Variants in MMP26 observed in about 807,000 individuals in gnomAD.
MMP26 encodes the protein matrix metalloproteinase-26.
Under a neutral mutation model 31.0 loss-of-function variants are expected in MMP26, and 33 were observed. The observed-to-expected ratio is 1.06, with a 90% CI of 0.81 to 1.42. The LOEUF (loss-of-function observed/expected upper bound fraction) is 1.42, where lower values mean the gene tolerates loss of function less well. Among genes scored for constraint, MMP26 ranks in the 40% most tolerant of loss-of-function variants. The pLI is 0.00. For synonymous variants in MMP26, 122 were observed against 114.9 expected, an observed-to-expected ratio of 1.06 and a Z score of -0.40; for missense variants, 347 against 316.1, an observed-to-expected ratio of 1.10 and a Z score of -0.74.
At chr11:4,729,366 T>C (rs563594986) in intron 1 of MMP26, among the ~76,000 whole-genome samples, 1 of 152,284 alleles carries the variant, frequency 6.6e-6, no homozygotes, top group African/African-American at 2.4e-5. Flanking sequence ...GGAATCTCCT[T>C]GGTGTTATTG....
At chr11:4,858,488 T>G (rs1424804542) in intron 2 of MMP26, among the ~76,000 whole-genome samples, 6 of 151,978 alleles carry the variant, frequency 3.9e-5, no homozygotes, top group Non-Finnish European at 7.4e-5. Flanking sequence ...TCAAAGAGAA[T>G]AAAATACCTA....
intron 2 of MMP26, among the ~76,000 whole-genome samples, chr11:4,897,426 TC>T (rs1850724445): frequency 6.6e-6 from 1 of 152,176 alleles, no homozygotes; most frequent in African/African-American, 2.4e-5. Context: ...GCATAAGCCA[TC>T]ATGCCCGGCC....
intron 2 of MMP26, among the ~76,000 whole-genome samples, chr11:4,805,336 AC>A (rs1211201064): frequency 4.6e-5 from 7 of 152,052 alleles, no homozygotes; most frequent in African/African-American, 1.2e-4. Context: ...AAGTTAGCAA[AC>A]TTTTTTTCTT....
chr11:4,985,068 T>C (rs1846866433), intron 2 of MMP26, among the ~76,000 whole-genome samples: 1 of 152,194 alleles, frequency 6.6e-6, no homozygotes, highest in Non-Finnish European at 1.5e-5. Flanking sequence ...TTTTTGAATG[T>C]ATTCAGGCCA....
chr11:4,762,942 AT>A lies in MMP26; in HGVS notation c.-216-4324del, dbSNP rs558699909. 1.3e-3 allele frequency among the ~76,000 whole-genome samples: 195 copies of A among 152,306 alleles called. 1 individual carries two copies. Among genetic ancestry groups the A allele is most frequent in the Middle Eastern group, 3.4e-3 (1 of 294 alleles). ...TAGAGTGGTGGTACAATCCCTGAAA[AT>A]TTTAAAGAAAAGTACACAGGATTGG... On this transcript the variant is annotated intron_variant, in intron 1 of 7. Coordinates refer to ENST00000380390, the MANE Select transcript of MMP26 (RefSeq NM_021801.5).
At chr11:4,839,284 A>G (rs1849762246) in intron 2 of MMP26, among the ~76,000 whole-genome samples, 1 of 151,930 alleles carries the variant, frequency 6.6e-6, no homozygotes, top group African/African-American at 2.4e-5. Context: ...GCAACTCTCA[A>G]ACGAGTCCTG....
intron 1 of MMP26, among the ~76,000 whole-genome samples, chr11:4,713,376 A>G (rs1321011737): frequency 6.6e-6 from 1 of 152,106 alleles, no homozygotes; most frequent in Non-Finnish European, 1.5e-5. Context: ...CCAGGGTTCC[A>G]AGTGAGCTGA....
intron 2 of MMP26, among the ~76,000 whole-genome samples, chr11:4,807,961 C>T (rs1589907244): frequency 6.6e-6 from 1 of 151,940 alleles, no homozygotes; most frequent in South Asian, 2.1e-4. Flanking sequence ...CGCACCACAA[C>T]GCCCAGCAAA....
At chr11:4,820,960 T>C (rs2133470954) in intron 2 of MMP26, among the ~76,000 whole-genome samples, 1 of 152,284 alleles carries the variant, frequency 6.6e-6, no homozygotes, top group South Asian at 2.1e-4. Flanking sequence ...TTTTTGGCAT[T>C]CTTCTGGATA....
At chr11:4,826,731 C>T (rs1340581476) in intron 2 of MMP26, among the ~76,000 whole-genome samples, 1 of 152,030 alleles carries the variant, frequency 6.6e-6, no homozygotes. Context: ...CATTATAAGG[C>T]CCAACATCTT....
chr11:4,930,411 A>G (rs971233982), intron 2 of MMP26, among the ~76,000 whole-genome samples: 1 of 152,096 alleles, frequency 6.6e-6, no homozygotes, highest in Non-Finnish European at 1.5e-5. Context: ...AGAACAAAGT[A>G]ATAGTGTCAG....
chr11:4,987,523 A>T (rs1406963083), intron 2 of MMP26, among the ~76,000 whole-genome samples: 1 of 151,804 alleles, frequency 6.6e-6, no homozygotes, highest in African/African-American at 2.4e-5. Flanking sequence ...GGTTCACGCC[A>T]TTCTCCTGCC....
intron 2 of MMP26, among the ~76,000 whole-genome samples, chr11:4,867,107 T>C (rs1228515754): frequency 2.0e-5 from 3 of 151,976 alleles, no homozygotes; most frequent in Non-Finnish European, 4.4e-5. Flanking sequence ...CTAAAGAGCT[T>C]CTGCACAGCA....
intron 1 of MMP26, among the ~76,000 whole-genome samples, chr11:4,758,100 C>A (rs1020214974): frequency 6.6e-6 from 1 of 152,066 alleles, no homozygotes; most frequent in Non-Finnish European, 1.5e-5. Context: ...TTGAAACAAT[C>A]CAAATATCCA....
At chr11:4,846,431 G>A (rs905203300) in intron 2 of MMP26, among the ~76,000 whole-genome samples, 1 of 152,112 alleles carries the variant, frequency 6.6e-6, no homozygotes, top group Non-Finnish European at 1.5e-5. Flanking sequence ...GGGGAGAGGT[G>A]AGCATGGTTA....
chr11:4,926,408 G>GA (rs1351256805), intron 2 of MMP26, among the ~76,000 whole-genome samples: 2 of 152,080 alleles, frequency 1.3e-5, no homozygotes, highest in Non-Finnish European at 2.9e-5. Flanking sequence ...CATTAAGTGA[G>GA]AAAATGGCAA....
intron 2 of MMP26, among the ~76,000 whole-genome samples, chr11:4,883,276 A>G (rs1850505374): frequency 6.6e-6 from 1 of 151,768 alleles, no homozygotes; most frequent in African/African-American, 2.4e-5. Flanking sequence ...CAGTGAGGCA[A>G]TGAAGGTTGT....
chr11:4,876,152 G>A (rs1850375926), intron 2 of MMP26: 1 of 152,102 alleles, frequency 6.6e-6, no homozygotes, highest in African/African-American at 2.4e-5. Flanking sequence ...CCTTATATTA[G>A]GACTGTGGTT....
chr11:4,806,843 C>T (rs1849277065), intron 2 of MMP26, among the ~76,000 whole-genome samples: 2 of 152,094 alleles, frequency 1.3e-5, no homozygotes, highest in Non-Finnish European at 2.9e-5. Flanking sequence ...ATATCTCTGT[C>T]CCCCTTTGCC....
Sources: allele counts gnomAD v4.1 joint callset (sites outside exome capture counted in the v4.1 genomes callset), GRCh38; gene constraint gnomAD v4.1.1; transcripts MANE v1.5; gene names NCBI Gene and HGNC (gene_info 2026-07-23, HGNC 2026-07-21).